Variants in CNNM2 observed in about 807,000 individuals in gnomAD.
CNNM2 encodes the protein metal transporter CNNM2.
Under a neutral mutation model 66.9 loss-of-function variants are expected in CNNM2, and 12 were observed. That is an observed-to-expected ratio of 0.18 (90% CI 0.11 to 0.29). CNNM2 has a LOEUF of 0.29. Among genes scored for constraint, CNNM2 ranks in the 10% least tolerant of loss-of-function variants. CNNM2 has a pLI of 1.00. For synonymous variants in CNNM2, 557 were observed against 501.8 expected (o/e 1.11, Z -1.47); for missense variants, 705 against 1,167.7 (o/e 0.60, Z 5.77).
chr10:102,994,272 T>C (rs1048233624), intron 1 of CNNM2, among the ~76,000 whole-genome samples: 3 of 152,084 alleles, frequency 2.0e-5, no homozygotes, highest in Non-Finnish European at 4.4e-5. Context: ...TTGATATGAG[T>C]TGTGAAGTTG....
chr10:103,008,852 C>T (rs143554345), intron 1 of CNNM2, among the ~76,000 whole-genome samples: 257 of 151,784 alleles, frequency 1.7e-3, no homozygotes, highest in African/African-American at 5.1e-3. Context: ...TGCACATTCC[C>T]AAGCATTTGT....
chr10:102,984,752 C>T (rs776835338), intron 1 of CNNM2, among the ~76,000 whole-genome samples: 45 of 151,440 alleles, frequency 3.0e-4, no homozygotes, highest in Non-Finnish European at 5.0e-4. Context: ...CTCTGCCTCC[C>T]GGGTTCAAGT....
chr10:102,987,612 C>T (rs189318047), intron 1 of CNNM2, among the ~76,000 whole-genome samples: 70 of 152,010 alleles, frequency 4.6e-4, no homozygotes, highest in Non-Finnish European at 6.9e-4. Context: ...TGAGCCACTG[C>T]GCCCGGCCAA....
chr10:103,006,652 G>A (rs982210918), intron 1 of CNNM2, among the ~76,000 whole-genome samples: 4 of 151,700 alleles, frequency 2.6e-5, no homozygotes, highest in Non-Finnish European at 5.9e-5. Flanking sequence ...TTTTACTTAG[G>A]GTCTCACTCT....
chr10:103,004,162 C>A (rs2064180592), intron 1 of CNNM2, among the ~76,000 whole-genome samples: 1 of 149,632 alleles, frequency 6.7e-6, no homozygotes, highest in African/African-American at 2.5e-5. Flanking sequence ...GCCACCAAGC[C>A]TGGCTAATTT....
At chr10:102,940,789 T>C (rs895557017) in intron 1 of CNNM2, among the ~76,000 whole-genome samples, 14 of 151,962 alleles carry the variant, frequency 9.2e-5, no homozygotes, top group Non-Finnish European at 1.8e-4. Context: ...TGGCACTATC[T>C]TGGCTCACTG....
At chr10:103,049,879 C>T (rs771803923) in intron 2 of CNNM2, 29 bp downstream of exon 2, 43 of 1,604,840 alleles carry the variant, frequency 2.7e-5, no homozygotes, top group South Asian at 1.8e-4. Flanking sequence ...GTGTATTTCC[C>T]GAAACCTTTG....
At chr10:102,968,840 A>G (rs1024418927) in intron 1 of CNNM2, among the ~76,000 whole-genome samples, 1 of 150,782 alleles carries the variant, frequency 6.6e-6, no homozygotes, top group African/African-American at 2.4e-5. Flanking sequence ...GGCTCAAGCA[A>G]TATTCTTGCC....
intron 1 of CNNM2, among the ~76,000 whole-genome samples, chr10:103,001,624 T>C (rs1247518192): frequency 6.6e-6 from 1 of 152,176 alleles, no homozygotes; most frequent in Non-Finnish European, 1.5e-5. Context: ...GATATCCACA[T>C]GCAAAAGAAT....
At chr10:103,016,409 CCTA>C (rs2064449512) in intron 1 of CNNM2, among the ~76,000 whole-genome samples, 4 of 151,942 alleles carry the variant, frequency 2.6e-5, no homozygotes, top group South Asian at 2.1e-4. Context: ...TTATTTAAGT[CCTA>C]CTATGTGGCA....
chr10:103,056,115 AAAAG>A (rs1351962845), intron 3 of CNNM2, among the ~76,000 whole-genome samples: 3 of 125,328 alleles, frequency 2.4e-5, no homozygotes, highest in East Asian at 3.7e-4. Context: ...AAATTAAAAA[AAAAG>A]AAAACTAAAA....
rs968327499 is a variant in CNNM2, at chr10:103,077,275, C to G, written c.*95C>G. On this transcript the variant is annotated 3_prime_UTR_variant, in exon 8 of 8. Transcript: ENST00000369878. The stretch of plus-strand genomic sequence containing the variant: ...ACTTCACTGGTGTGAGCTTGTCCGC[C>G]ATGCTGTACCCTGCAACATCCTGAG... 2 of 1,118,132 alleles carry G rather than the reference C, an allele frequency of 1.8e-6. No individual in the cohort carries two copies. The highest frequency in any genetic ancestry group is 2.6e-6 in the Non-Finnish European group (2 of 768,510). The allele number at this position is 1,118,132 out of a possible 1,614,324, so 69.3% of individuals were successfully genotyped here.
At chr10:103,022,022 T>TTA (rs1374973790) in intron 1 of CNNM2, among the ~76,000 whole-genome samples, 3 of 152,198 alleles carry the variant, frequency 2.0e-5, no homozygotes, top group African/African-American at 7.2e-5. Context: ...ATGAATGTGT[T>TTA]TAAGTGAGAC....
intron 1 of CNNM2, among the ~76,000 whole-genome samples, chr10:102,983,716 C>A (rs982827634): frequency 1.3e-5 from 2 of 152,016 alleles, no homozygotes; most frequent in African/African-American, 4.8e-5. Flanking sequence ...GCTGGGATTA[C>A]AGGCATGAGC....
intron 6 of CNNM2, among the ~76,000 whole-genome samples, chr10:103,073,192 G>A (rs1450240394): frequency 1.3e-5 from 2 of 152,212 alleles, no homozygotes; most frequent in Non-Finnish European, 2.9e-5. Context: ...AGAGGAGAGG[G>A]TCCACTCACA....
chr10:102,938,783 C>G (rs908656376), intron 1 of CNNM2, among the ~76,000 whole-genome samples: 1 of 152,016 alleles, frequency 6.6e-6, no homozygotes, highest in Non-Finnish European at 1.5e-5. Context: ...TTAATTTTTA[C>G]TGAGTTCCTT....
At chr10:103,057,058 C>A in intron 4 of CNNM2, 94 bp downstream of exon 4, 1 of 1,259,036 alleles carries the variant, frequency 7.9e-7, no homozygotes, top group Non-Finnish European at 1.1e-6. Context: ...ACATACTGAA[C>A]CTTTCTATAG....
intron 4 of CNNM2, among the ~76,000 whole-genome samples, chr10:103,060,507 T>C (rs573535441): frequency 2.2e-4 from 33 of 152,240 alleles, no homozygotes; most frequent in African/African-American, 7.7e-4. Context: ...ATCGTGCCAC[T>C]GCACTCCAGC....
At chr10:103,063,019 G>T (rs1220908494) in intron 4 of CNNM2, among the ~76,000 whole-genome samples, 2 of 152,220 alleles carry the variant, frequency 1.3e-5, no homozygotes, top group African/African-American at 4.8e-5. Flanking sequence ...AGGCTTAGCT[G>T]TGATGCTCCA....
Sources: allele counts gnomAD v4.1 joint callset (sites outside exome capture counted in the v4.1 genomes callset), GRCh38; gene constraint gnomAD v4.1.1; transcripts MANE v1.5; gene names NCBI Gene and HGNC (gene_info 2026-07-23, HGNC 2026-07-21).